The following EPHA6 variants were observed in gnomAD, a reference collection of about 807,000 sequenced individuals.
The protein encoded by EPHA6 is EPH receptor A6, also known as ephrin type-A receptor 6.
In EPHA6, 50 loss-of-function variants were observed where a neutral mutation model predicts 112.0. The ratio of observed to expected loss-of-function variants is 0.45; its 90% CI spans 0.36 to 0.56. The LOEUF (loss-of-function observed/expected upper bound fraction) is 0.56, where lower values mean the gene tolerates loss of function less well. Among genes scored for constraint, EPHA6 ranks in the 20% least tolerant of loss-of-function variants. The pLI, the probability that EPHA6 is intolerant of heterozygous loss-of-function variation, is 0.00. For synonymous variants in EPHA6, 529 were observed against 490.7 expected, an observed-to-expected ratio of 1.08 and a Z score of -1.03; for missense variants, 1,280 against 1,417.4, an observed-to-expected ratio of 0.90 and a Z score of 1.56.
intron 10 of EPHA6, among the ~76,000 whole-genome samples, chr3:97,503,593 G>A (rs963112870): frequency 1.3e-5 from 2 of 152,166 alleles, no homozygotes; most frequent in African/African-American, 2.4e-5. Context: ...AACCTGTAAT[G>A]ATGAGATTTC....
intron 3 of EPHA6, among the ~76,000 whole-genome samples, chr3:97,118,642 G>A (rs958752888): frequency 1.3e-5 from 2 of 151,742 alleles, no homozygotes; most frequent in Non-Finnish European, 2.9e-5. Flanking sequence ...TTTGTATAGG[G>A]TAGAACTTGT....
intron 3 of EPHA6, among the ~76,000 whole-genome samples, chr3:96,990,133 A>T (rs941983127): frequency 6.6e-6 from 1 of 152,172 alleles, no homozygotes; most frequent in African/African-American, 2.4e-5. Context: ...TAATCTAAGA[A>T]TTTATGTGAT....
At position 97,660,615 on chromosome 3, in the gene EPHA6, C is replaced by T. The variant is rs9858013; in HGVS notation, c.2784+22533C>T. Among the ~76,000 whole-genome samples, 386 of 152,144 alleles carry T rather than the reference C, an allele frequency of 2.5e-3. 1 individual carries two copies. The highest frequency in any genetic ancestry group is 8.4e-3 in the African/African-American group (349 of 41,524). On this transcript the variant is annotated intron_variant, in intron 14 of 17. Coordinates refer to ENST00000389672, the MANE Select transcript of EPHA6 (RefSeq NM_001080448.3). ...TCATTAAAACATCATTCTGTGAGCT[C>T]GCTTGATTTGCCTGTATTGTGCCCA...
Position 97,363,918 on chromosome 3 carries a change from T to A in EPHA6, c.1607-41232T>A, listed in dbSNP as rs573475333. Among the ~76,000 whole-genome samples, 7 of 152,170 alleles carry A rather than the reference T, an allele frequency of 4.6e-5. No homozygotes were observed. The South Asian group carries it at 1.2e-3, about 27-fold the overall frequency. The stretch of plus-strand genomic sequence containing the variant: ...AAGTCAGTCACGAAAGGAGAAAGGA[T>A]GTATAATTCCACTTATATGATGTAC... On this transcript the variant is annotated intron_variant, in intron 5 of 17. Transcript: ENST00000389672.
At chr3:97,313,900 C>T (rs1018428157) in intron 5 of EPHA6, among the ~76,000 whole-genome samples, 1 of 151,482 alleles carries the variant, frequency 6.6e-6, no homozygotes, top group African/African-American at 2.4e-5. Flanking sequence ...TCCAACTTGC[C>T]TATTTCTTGC....
At position 97,366,399 on chromosome 3, in the gene EPHA6, G is replaced by A. The variant is rs545539281; in HGVS notation, c.1607-38751G>A. Reference sequence around the variant, plus strand: ...GCCCTAAGTCAATCCAGAAGGCAACGTTTAAAATTTTTCAGCTATGGAAGA... The same window carrying A: ...GCCCTAAGTCAATCCAGAAGGCAACATTTAAAATTTTTCAGCTATGGAAGA... On this transcript the variant is annotated intron_variant, in intron 5 of 17. Coordinates refer to ENST00000389672, the MANE Select transcript of EPHA6 (RefSeq NM_001080448.3). 8.0e-4 allele frequency among the ~76,000 whole-genome samples: 115 copies of A among 143,524 alleles called. 1 individual carries two copies. The highest frequency in any genetic ancestry group is 3.1e-3 in the African/African-American group (105 of 33,710). 94.2% of individuals were successfully genotyped at this position (143,524 alleles called of 152,430 possible).
At chr3:97,110,937 A>G (rs1175830522) in intron 3 of EPHA6, among the ~76,000 whole-genome samples, 7 of 152,144 alleles carry the variant, frequency 4.6e-5, no homozygotes. Flanking sequence ...GAAGTACTAC[A>G]AAATATGTGA....
At chr3:97,420,141 A>G (rs1039514302) in intron 6 of EPHA6, among the ~76,000 whole-genome samples, 9 of 152,178 alleles carry the variant, frequency 5.9e-5, no homozygotes, top group African/African-American at 2.2e-4. Flanking sequence ...GTATTCATTC[A>G]CTGCATGTGA....
intron 2 of EPHA6, among the ~76,000 whole-genome samples, chr3:96,908,490 T>G (rs1175548203): frequency 1.3e-5 from 2 of 151,936 alleles, no homozygotes; most frequent in African/African-American, 2.4e-5. Context: ...TTCTCATCTT[T>G]TTTTGTGCTT....
chr3:96,832,378 T>A (rs772262495), intron 1 of EPHA6, among the ~76,000 whole-genome samples: 11 of 152,030 alleles, frequency 7.2e-5, no homozygotes, highest in Non-Finnish European at 1.5e-4. Context: ...AAAGTCCCAA[T>A]AGAATAGCAT....
chr3:97,222,318 A>G (rs1304467451), intron 3 of EPHA6, among the ~76,000 whole-genome samples: 1 of 152,182 alleles, frequency 6.6e-6, no homozygotes, highest in Admixed American at 6.5e-5. Flanking sequence ...ATTATACTAA[A>G]TGTTAATATT....
intron 11 of EPHA6, chr3:97,559,461 G>A: frequency 3.2e-6 from 1 of 317,420 alleles, no homozygotes; most frequent in Non-Finnish European, 6.2e-6. Flanking sequence ...CACTCTTCTA[G>A]AAACAAAGAA....
intron 11 of EPHA6, among the ~76,000 whole-genome samples, chr3:97,552,678 A>G (rs1439434548): frequency 6.6e-6 from 1 of 152,212 alleles, no homozygotes; most frequent in Non-Finnish European, 1.5e-5. Flanking sequence ...TTCAAATGGT[A>G]ACCTCAGTGG....
intron 2 of EPHA6, among the ~76,000 whole-genome samples, chr3:96,979,636 A>C (rs1475826982): frequency 6.6e-6 from 1 of 152,204 alleles, no homozygotes; most frequent in African/African-American, 2.4e-5. Flanking sequence ...ACTGTCTTCC[A>C]CAATGGTTGA....
At chr3:97,427,434 C>T (rs2089216831) in intron 6 of EPHA6, among the ~76,000 whole-genome samples, 1 of 152,128 alleles carries the variant, frequency 6.6e-6, no homozygotes. Flanking sequence ...CAAACTAATG[C>T]AGGAACAGAA....
At chr3:96,836,992 A>C (rs2034456507) in intron 1 of EPHA6, among the ~76,000 whole-genome samples, 2 of 152,136 alleles carry the variant, frequency 1.3e-5, no homozygotes, top group Non-Finnish European at 2.9e-5. Flanking sequence ...ACTTACCCGA[A>C]AACACTCAGA....
intron 16 of EPHA6, among the ~76,000 whole-genome samples, chr3:97,738,377 C>A (rs2035363852): frequency 6.6e-6 from 1 of 152,018 alleles, no homozygotes; most frequent in African/African-American, 2.4e-5. Context: ...ATAGAGTTAA[C>A]AGAATCCACA....
At chr3:97,055,934 G>A (rs907426216) in intron 3 of EPHA6, among the ~76,000 whole-genome samples, 2 of 151,582 alleles carry the variant, frequency 1.3e-5, no homozygotes, top group Non-Finnish European at 2.9e-5. Context: ...ATATAAGTTG[G>A]TATTTTAATT....
chr3:97,635,181 G>A (rs1468765659), intron 13 of EPHA6, among the ~76,000 whole-genome samples: 3 of 152,004 alleles, frequency 2.0e-5, no homozygotes, highest in Non-Finnish European at 4.4e-5. Context: ...CAATGGATTA[G>A]AAGTAAATAT....
Sources: gnomAD v4.1 joint callset for allele counts (sites outside exome capture counted in the v4.1 genomes callset) on GRCh38, gnomAD v4.1.1 for gene constraint, MANE v1.5 for transcripts, NCBI Gene and HGNC (gene_info 2026-07-23, HGNC 2026-07-21) for gene names.